Variants in GRM7 observed in about 807,000 individuals in gnomAD.
The protein encoded by GRM7 is glutamate metabotropic receptor 7.
GRM7 carries 35 observed loss-of-function variants against 84.5 expected under a neutral mutation model. The ratio of observed to expected loss-of-function variants is 0.41; its 90% confidence interval spans 0.32 to 0.55. GRM7 has a LOEUF of 0.55. Among genes scored for constraint, GRM7 ranks in the 20% least tolerant of loss-of-function variants. The probability of loss-of-function intolerance (pLI) is 0.19; values close to 1 mark genes in which losing one functional copy is unlikely to be tolerated. For synonymous variants in GRM7, 487 were observed against 455.1 expected (o/e 1.07, Z -0.89); for missense variants, 1,003 against 1,194.6 (o/e 0.84, Z 2.36).
intron 1 of GRM7, among the ~76,000 whole-genome samples, chr3:7,127,365 A>G (rs1257454246): frequency 6.6e-6 from 1 of 152,224 alleles, no homozygotes; most frequent in Non-Finnish European, 1.5e-5. Flanking sequence ...GTTAATGGGG[A>G]TAGATTCCCC....
intron 2 of GRM7, among the ~76,000 whole-genome samples, chr3:7,181,794 G>A (rs113431216): frequency 2.6e-5 from 4 of 151,542 alleles, no homozygotes; most frequent in African/African-American, 9.7e-5. Flanking sequence ...TTTATTTTTT[G>A]TGGAGATGAG....
chr3:7,096,446 G>A (rs1366353332), intron 1 of GRM7, among the ~76,000 whole-genome samples: 3 of 152,068 alleles, frequency 2.0e-5, no homozygotes, highest in African/African-American at 4.8e-5. Flanking sequence ...TATAATTTTA[G>A]TATAAAGGAT....
intron 7 of GRM7, among the ~76,000 whole-genome samples, chr3:7,525,231 A>C (rs1359843984): frequency 6.6e-6 from 1 of 152,010 alleles, no homozygotes; most frequent in Non-Finnish European, 1.5e-5. Context: ...TAACCTGGAC[A>C]TTGTGCACAT....
At position 7,472,478 on chromosome 3, in the gene GRM7, A is replaced by G. The variant is rs557491644; in HGVS notation, c.1515+10756A>G. ...ACTCTAGATTCAACGATAAACATAT[A>G]GAATCCCCCACTGAGTAGCAGGGCA... On this transcript the variant is annotated intron_variant, in intron 7 of 9. Coordinates refer to ENST00000357716, the MANE Select transcript of GRM7 (RefSeq NM_000844.4). Among the ~76,000 whole-genome samples, 7 of 152,346 alleles carry G rather than the reference A, an allele frequency of 4.6e-5. No homozygotes were observed. In the East Asian group the frequency reaches 1.4e-3, roughly 29 times the overall value.
chr3:7,236,232 TAGAG>T (rs1355432782), intron 2 of GRM7, among the ~76,000 whole-genome samples: 1 of 152,198 alleles, frequency 6.6e-6, no homozygotes, highest in African/African-American at 2.4e-5. Flanking sequence ...ACATGAATAT[TAGAG>T]AGAAACATAC....
chr3:7,696,249 T>C (rs776314027), intron 9 of GRM7, among the ~76,000 whole-genome samples: 3 of 152,172 alleles, frequency 2.0e-5, no homozygotes, highest in Non-Finnish European at 4.4e-5. Flanking sequence ...ACGACATATA[T>C]TGTGAGCTAA....
chr3:7,458,910 C>G (rs376429867), intron 6 of GRM7, among the ~76,000 whole-genome samples: 5 of 152,296 alleles, frequency 3.3e-5, no homozygotes, highest in Admixed American at 3.3e-4. Context: ...TTGCTAATAA[C>G]ATGTGAAATC....
chr3:7,122,693 G>A (rs559215622), intron 1 of GRM7, among the ~76,000 whole-genome samples: 6 of 152,140 alleles, frequency 3.9e-5, no homozygotes, highest in African/African-American at 1.2e-4. Flanking sequence ...AGATATTTCA[G>A]TGCTAACATT....
chr3:7,623,296 G>A (rs963764989), intron 8 of GRM7, among the ~76,000 whole-genome samples: 5 of 152,154 alleles, frequency 3.3e-5, no homozygotes, highest in African/African-American at 1.2e-4. Context: ...ATTGAAGAGG[G>A]ACAGAGACTG....
At chr3:7,390,345 G>T (rs1157612940) in intron 4 of GRM7, among the ~76,000 whole-genome samples, 1 of 152,008 alleles carries the variant, frequency 6.6e-6, no homozygotes, top group Non-Finnish European at 1.5e-5. Context: ...TGATTGTCTT[G>T]TATCTCACAG....
chr3:7,304,670 T>C (rs892483846), intron 3 of GRM7, among the ~76,000 whole-genome samples: 16 of 152,146 alleles, frequency 1.1e-4, no homozygotes, highest in Non-Finnish European at 2.4e-4. Context: ...TTTTGCTTTC[T>C]AGAGAATTTT....
chr3:7,014,912 T>C (rs1209943054), intron 1 of GRM7, among the ~76,000 whole-genome samples: 1 of 152,072 alleles, frequency 6.6e-6, no homozygotes, highest in East Asian at 1.9e-4. Flanking sequence ...TAGCTAGGAT[T>C]GTAAAACGCA....
intron 4 of GRM7, among the ~76,000 whole-genome samples, chr3:7,349,260 A>G (rs1055441377): frequency 2.0e-5 from 3 of 152,046 alleles, no homozygotes; most frequent in Admixed American, 1.3e-4. Context: ...CTTGACATAA[A>G]TTTCTTTCTC....
At chr3:7,276,931 A>C (rs781031227) in intron 2 of GRM7, among the ~76,000 whole-genome samples, 6 of 151,914 alleles carry the variant, frequency 3.9e-5, no homozygotes, top group Non-Finnish European at 5.9e-5. Flanking sequence ...GTGAAAGTCC[A>C]AGTGTTTTCC....
At chr3:7,347,197 G>A (rs376314004) in intron 4 of GRM7, among the ~76,000 whole-genome samples, 17 of 152,072 alleles carry the variant, frequency 1.1e-4, no homozygotes, top group Non-Finnish European at 1.9e-4. Flanking sequence ...AGATGGCTCC[G>A]AAATTTAAAT....
chr3:7,322,144 C>T (rs1417029078), intron 4 of GRM7, among the ~76,000 whole-genome samples: 4 of 151,900 alleles, frequency 2.6e-5, no homozygotes, highest in African/African-American at 9.7e-5. Context: ...GAGATATTTC[C>T]ATAAAATGTT....
chr3:7,369,858 G>C (rs906778095), intron 4 of GRM7, among the ~76,000 whole-genome samples: 1 of 152,092 alleles, frequency 6.6e-6, no homozygotes, highest in Non-Finnish European at 1.5e-5. Context: ...GGCAAAATAA[G>C]ATTCTTTTGA....
chr3:7,632,844 A>G (rs969247855), intron 8 of GRM7, among the ~76,000 whole-genome samples: 3 of 152,258 alleles, frequency 2.0e-5, no homozygotes, highest in Non-Finnish European at 4.4e-5. Flanking sequence ...TTACACATTA[A>G]AAAAAGATTT....
intron 4 of GRM7, among the ~76,000 whole-genome samples, chr3:7,332,236 C>T (rs1701236448): frequency 6.6e-6 from 1 of 152,148 alleles, no homozygotes; most frequent in African/African-American, 2.4e-5. Context: ...AATTCCTCCT[C>T]ATTATCTAAT....
Sources: allele counts gnomAD v4.1 joint callset (sites outside exome capture counted in the v4.1 genomes callset), GRCh38; gene constraint gnomAD v4.1.1; transcripts MANE v1.5; gene names NCBI Gene and HGNC (gene_info 2026-07-23, HGNC 2026-07-21).